RBFOX1: variants seen among roughly 807,000 people sequenced by gnomAD.
RBFOX1 encodes RNA binding fox-1 homolog 1.
A neutral mutation model predicts 57.7 loss-of-function variants in RBFOX1; 8 were observed. That is an observed-to-expected ratio of 0.14 (90% CI 0.08 to 0.25). RBFOX1 has a LOEUF of 0.25. RBFOX1 is among the 10% of genes least tolerant of loss of function. The pLI, the probability that RBFOX1 is intolerant of heterozygous loss-of-function variation, is 1.00. For synonymous variants in RBFOX1, 326 were observed against 222.4 expected (o/e 1.47, Z -4.15); for missense variants, 611 against 548.5 (o/e 1.11, Z -1.14).
At position 7,599,638 on chromosome 16, in the gene RBFOX1, C is replaced by CTTTTTTTTTTTTTTTTTTTTTTTTT. The variant is rs542898195; in HGVS notation, c.622+2219_622+2220insTTTTTTTTTTTTTTTTTTTTTTTTT. ...GAGAAGATGAAGAAATTAATAAAGA[C>CTTTTTTTTTTTTTTTTTTTTTTTTT]TTTTTTTTTTTTCTTTTTTTTTTTT... On this transcript the variant is annotated intron_variant, in intron 9 of 15. Coordinates refer to ENST00000550418, the MANE Select transcript of RBFOX1 (RefSeq NM_018723.4). Among the ~76,000 whole-genome samples the CTTTTTTTTTTTTTTTTTTTTTTTTT allele has an allele frequency of 6.4e-5, 4 of 62,804 alleles. 2 individuals are homozygous for CTTTTTTTTTTTTTTTTTTTTTTTTT. The highest frequency in any genetic ancestry group is 9.8e-5 in the African/African-American group (2 of 20,312). The allele number at this position is 62,804 out of a possible 152,430, so 41.2% of individuals were successfully genotyped here. A position where few individuals can be genotyped will look rare whatever the true frequency, so the allele number is the denominator to read the frequency against.
intron 3 of RBFOX1, among the ~76,000 whole-genome samples, chr16:6,669,969 G>A (rs772166991): frequency 8.5e-5 from 13 of 152,106 alleles, no homozygotes; most frequent in Non-Finnish European, 1.6e-4. Flanking sequence ...TGTCAAAATA[G>A]CACCCTAACT....
chr16:7,157,221 G>C (rs1396034859), intron 4 of RBFOX1, among the ~76,000 whole-genome samples: 1 of 152,172 alleles, frequency 6.6e-6, no homozygotes, highest in Non-Finnish European at 1.5e-5. Flanking sequence ...TTGTGTGTGT[G>C]CATTGGCTGG....
intron 4 of RBFOX1, among the ~76,000 whole-genome samples, chr16:5,995,784 C>G (rs2060480497): frequency 6.6e-6 from 1 of 152,158 alleles, no homozygotes; most frequent in African/African-American, 2.4e-5. Flanking sequence ...AGGGAGGGAG[C>G]TTGGGCATTC....
At chr16:7,247,839 G>T (rs1415627190) in intron 4 of RBFOX1, among the ~76,000 whole-genome samples, 1 of 152,148 alleles carries the variant, frequency 6.6e-6, no homozygotes, top group Non-Finnish European at 1.5e-5. Flanking sequence ...GCTAAATGAT[G>T]AGGACTCATG....
Position 7,425,253 on chromosome 16 carries a change from C to A in RBFOX1, c.28-92894C>A, listed in dbSNP as rs149124207. ...ATTTACAGCATGCGGATTTACAACA[C>A]ACTGAATGAGAGAAGTGGGGTTTAA... On this transcript the variant is annotated intron_variant, in intron 4 of 15. Transcript: ENST00000550418. Among the ~76,000 whole-genome samples, 267 of 152,264 alleles carry A rather than the reference C, an allele frequency of 1.8e-3. 2 individuals carry two copies. Among genetic ancestry groups the A allele is most frequent in the African/African-American group, 6.2e-3 (257 of 41,538 alleles).
chr16:5,773,517 T>A (rs1481165153), intron 3 of RBFOX1, among the ~76,000 whole-genome samples: 1 of 152,266 alleles, frequency 6.6e-6, no homozygotes, highest in East Asian at 1.9e-4. Context: ...ATGAACGTAC[T>A]GCAGTTGCTA....
chr16:5,716,736 A>G (rs1456591419), intron 3 of RBFOX1, among the ~76,000 whole-genome samples: 4 of 152,246 alleles, frequency 2.6e-5, no homozygotes, highest in Admixed American at 2.6e-4. Context: ...GTGTCTTTAT[A>G]GTAAAATGAT....
chr16:6,611,827 C>A (rs931141919), intron 2 of RBFOX1, among the ~76,000 whole-genome samples: 1 of 152,116 alleles, frequency 6.6e-6, no homozygotes, highest in East Asian at 1.9e-4. Context: ...GGGCCCTCCT[C>A]CAAGGCCCTG....
chr16:5,592,486 G>A lies in RBFOX1; in HGVS notation c.259-6416G>A, dbSNP rs190602922. ...GGCTGGAGTGCAGTGGCACGATTTC[G>A]GCTCACTGCAACCTCTGCCTCCTGG... On this transcript the variant is annotated intron_variant, in intron 2 of 2. Coordinates refer to the RBFOX1 transcript ENST00000585867. Among the ~76,000 whole-genome samples, 724 of 150,714 alleles carry A rather than the reference G, an allele frequency of 4.8e-3. 5 individuals carry two copies. Among genetic ancestry groups the A allele is most frequent in the Middle Eastern group, 0.01 (3 of 292 alleles).
At chr16:6,597,933 C>G (rs1601020888) in intron 2 of RBFOX1, among the ~76,000 whole-genome samples, 1 of 152,168 alleles carries the variant, frequency 6.6e-6, no homozygotes, top group African/African-American at 2.4e-5. Context: ...GAGGGTGAAA[C>G]AGAAAAGTAG....
At chr16:7,607,626 T>C (rs550073901) in intron 10 of RBFOX1, among the ~76,000 whole-genome samples, 1 of 152,318 alleles carries the variant, frequency 6.6e-6, no homozygotes, top group East Asian at 1.9e-4. Flanking sequence ...CAATAGTGTA[T>C]TGAACAAATG....
chr16:6,422,263 T>C (rs1377222865), intron 2 of RBFOX1, among the ~76,000 whole-genome samples: 1 of 151,146 alleles, frequency 6.6e-6, no homozygotes, highest in African/African-American at 2.4e-5. Context: ...TTCTTTAGAT[T>C]CAGGGGTACA....
chr16:7,303,775 C>G (rs1187584646), intron 4 of RBFOX1, among the ~76,000 whole-genome samples: 1 of 151,088 alleles, frequency 6.6e-6, no homozygotes, highest in Non-Finnish European at 1.5e-5. Flanking sequence ...CTCTCTCTCT[C>G]TCTCTCTGTC....
chr16:7,353,180 T>C (rs151172478), intron 4 of RBFOX1, among the ~76,000 whole-genome samples: 1 of 152,280 alleles, frequency 6.6e-6, no homozygotes, highest in African/African-American at 2.4e-5. Flanking sequence ...CCTAAATTGA[T>C]TCACAAAAAC....
At chr16:7,199,759 T>G (rs2087801011) in intron 4 of RBFOX1, among the ~76,000 whole-genome samples, 1 of 152,126 alleles carries the variant, frequency 6.6e-6, no homozygotes. Flanking sequence ...CTGGGCATGG[T>G]GGCAGGCACC....
At chr16:7,071,414 C>A (rs1189831571) in intron 4 of RBFOX1, among the ~76,000 whole-genome samples, 3 of 152,000 alleles carry the variant, frequency 2.0e-5, no homozygotes, top group Admixed American at 2.0e-4. Flanking sequence ...CTCCTAGCCT[C>A]CTAGCTGCAG....
intron 1 of RBFOX1, among the ~76,000 whole-genome samples, chr16:6,060,660 C>T (rs2095673727): frequency 6.6e-6 from 1 of 152,182 alleles, no homozygotes; most frequent in Non-Finnish European, 1.5e-5. Flanking sequence ...CTGCAAGTAA[C>T]TTCAAACCAC....
intron 1 of RBFOX1, among the ~76,000 whole-genome samples, chr16:5,424,702 C>T (rs1477237707): frequency 2.0e-5 from 3 of 151,806 alleles, no homozygotes; most frequent in East Asian, 1.9e-4. Flanking sequence ...ATTCTGAGGG[C>T]GCACGTGTGG....
chr16:5,521,118 C>A (rs1443654071), intron 2 of RBFOX1, among the ~76,000 whole-genome samples: 1 of 152,180 alleles, frequency 6.6e-6, no homozygotes, highest in African/African-American at 2.4e-5. Context: ...AAGCCCCTAT[C>A]TGTTTGGGTG....
Sources: allele counts gnomAD v4.1 joint callset (sites outside exome capture counted in the v4.1 genomes callset), GRCh38; gene constraint gnomAD v4.1.1; transcripts MANE v1.5; gene names NCBI Gene and HGNC (gene_info 2026-07-23, HGNC 2026-07-21).